The following RIC8B variants were observed in gnomAD, a reference collection of about 807,000 sequenced individuals.
The protein encoded by RIC8B is RIC8 guanine nucleotide exchange factor B, also known as chaperone Ric-8B.
In RIC8B, 16 loss-of-function variants were observed where a neutral mutation model predicts 57.5. The observed-to-expected ratio is 0.28, with a 90% CI of 0.19 to 0.42. The LOEUF (loss-of-function observed/expected upper bound fraction) is 0.42. Ranked by LOEUF, RIC8B falls within the 10% of genes least tolerant of loss-of-function variation. The pLI, the probability that RIC8B is intolerant of heterozygous loss-of-function variation, is 1.00. For missense variants in RIC8B, 481 were observed against 677.0 expected (o/e 0.71, Z 3.21); for synonymous variants, 216 against 250.8 (o/e 0.86, Z 1.31).
intron 2 of RIC8B, among the ~76,000 whole-genome samples, chr12:106,807,170 A>G (rs750362124): frequency 1.1e-4 from 16 of 152,134 alleles, no homozygotes; most frequent in Non-Finnish European, 1.8e-4. Flanking sequence ...TTCCAGTCCA[A>G]CCCATTTTGA....
At chr12:106,828,613 T>C (rs2046218581) in intron 4 of RIC8B, among the ~76,000 whole-genome samples, 1 of 152,180 alleles carries the variant, frequency 6.6e-6, no homozygotes, top group South Asian at 2.1e-4. Flanking sequence ...AGAGTTGTGA[T>C]GGTGATTAAA....
At chr12:106,880,935 C>T (rs1382067311) in intron 9 of RIC8B, among the ~76,000 whole-genome samples, 1 of 152,138 alleles carries the variant, frequency 6.6e-6, no homozygotes. Context: ...TGAATGTGTA[C>T]CCAGAGATTT....
chr12:106,783,546 A>G (rs1397265717), intron 1 of RIC8B, among the ~76,000 whole-genome samples: 1 of 152,148 alleles, frequency 6.6e-6, no homozygotes, highest in Non-Finnish European at 1.5e-5. Flanking sequence ...CTACTTTTCC[A>G]TTCTCTTCTT....
chr12:106,886,176 G>T lies in RIC8B; in HGVS notation c.*161G>T, dbSNP rs995709708. ...CAGCATATTTAAGAGGTGACCCTGT[G>T]TTTTTTGTGATATTGAGGCATTCAT... On this transcript the variant is annotated 3_prime_UTR_variant, in exon 10 of 10. Transcript: ENST00000392837. 2 of 597,954 alleles carry T rather than the reference G, an allele frequency of 3.3e-6. No individual in the cohort carries two copies. Among genetic ancestry groups the T allele is most frequent in the South Asian group, 2.2e-5 (1 of 45,588 alleles). 37.0% of individuals were successfully genotyped at this position (597,954 alleles called of 1,614,324 possible).
chr12:106,833,004 G>GA (rs796650201), intron 4 of RIC8B, among the ~76,000 whole-genome samples: 3 of 150,504 alleles, frequency 2.0e-5, no homozygotes, highest in South Asian at 2.1e-4. Context: ...CTTTTGTGAG[G>GA]AAAAAAAAAT....
intron 7 of RIC8B, among the ~76,000 whole-genome samples, chr12:106,858,225 T>C (rs1949786156): frequency 6.6e-6 from 1 of 152,226 alleles, no homozygotes; most frequent in Non-Finnish European, 1.5e-5. Context: ...TCTTTAAGTA[T>C]ATTCATTTAA....
intron 9 of RIC8B, chr12:106,873,212 A>C: frequency 1.0e-6 from 1 of 983,804 alleles, no homozygotes; most frequent in Non-Finnish European, 1.2e-6. Flanking sequence ...CAGAGCAAAT[A>C]TGTCTTATGT....
chr12:106,822,368 T>C (rs1463999533), intron 3 of RIC8B: 1 of 152,150 alleles, frequency 6.6e-6, no homozygotes, highest in Non-Finnish European at 1.5e-5. Flanking sequence ...CTGGTAAAGA[T>C]TGACATATGG....
intron 9 of RIC8B, chr12:106,871,489 A>T (rs894190145): frequency 7.0e-6 from 1 of 143,474 alleles, no homozygotes; most frequent in South Asian, 2.2e-4. Flanking sequence ...AAAAAAAAAA[A>T]AAAAAAAAAC....
intron 3 of RIC8B, among the ~76,000 whole-genome samples, chr12:106,817,567 C>T (rs1023840657): frequency 6.6e-5 from 10 of 152,072 alleles, no homozygotes; most frequent in African/African-American, 2.2e-4. Context: ...CGCCTGTAAT[C>T]CCAGCACTTT....
At chr12:106,852,970 C>A (rs2136474177) in intron 7 of RIC8B, among the ~76,000 whole-genome samples, 1 of 152,216 alleles carries the variant, frequency 6.6e-6, no homozygotes, top group Admixed American at 6.5e-5. Flanking sequence ...ATGCATAAAT[C>A]CAAAATCACA....
intron 4 of RIC8B, among the ~76,000 whole-genome samples, chr12:106,835,168 C>T (rs1413445202): frequency 3.3e-5 from 5 of 151,924 alleles, no homozygotes; most frequent in African/African-American, 7.3e-5. Flanking sequence ...GCATCTATTC[C>T]TCTGCCAGCA....
chr12:106,814,933 A>G lies in RIC8B; in HGVS notation c.370A>G (p.Ile124Val), dbSNP rs1407232072. ...GGAGTCATTAAAATGTCTGTGTAAT[A>G]TAGTGTTCAACAGTCAGATGGCACA... is the stretch of plus-strand genomic sequence containing the variant. ...IVESLKCLCN[I>V]VFNSQMAQQL... Residue 124 changes from isoleucine to valine, a missense_variant, in exon 3 of 10, where the codon ATA becomes GTA. Physicochemically the swap from Ile to Val is conservative, Grantham distance 29. Around this residue, in one of 3 missense-constraint regions of RIC8B, gnomAD observed 421 missense variants for 560.9 expected, o/e 0.75. Transcript: ENST00000392837. 6.2e-7 allele frequency: 1 copy of G among 1,614,212 alleles called. No individual in the cohort carries two copies. Among genetic ancestry groups the G allele is most frequent in the Non-Finnish European group, 8.5e-7 (1 of 1,180,024 alleles).
intron 4 of RIC8B, among the ~76,000 whole-genome samples, chr12:106,838,328 A>C (rs1294102646): frequency 6.6e-6 from 1 of 152,172 alleles, no homozygotes; most frequent in Non-Finnish European, 1.5e-5. Context: ...AAATCAACTC[A>C]AAATAGATTA....
intron 6 of RIC8B, among the ~76,000 whole-genome samples, chr12:106,845,644 A>T (rs1158938071): frequency 2.0e-5 from 3 of 152,148 alleles, no homozygotes; most frequent in Admixed American, 6.5e-5. Context: ...ACCCAAACAC[A>T]TCTTTCATCT....
intron 1 of RIC8B, 89 bp from the exon 2 acceptor site, chr12:106,783,905 ACAG>A: frequency 8.7e-7 from 1 of 1,145,490 alleles, no homozygotes; most frequent in Admixed American, 2.0e-5. Flanking sequence ...AACATTTTTT[ACAG>A]GGACATTATT....
chr12:106,777,675 A>C (rs539964658), intron 1 of RIC8B, among the ~76,000 whole-genome samples: 1 of 152,148 alleles, frequency 6.6e-6, no homozygotes, highest in Admixed American at 6.5e-5. Context: ...TCAAATCCCA[A>C]CTCTGCCATT....
At chr12:106,788,030 A>G (rs533870478) in intron 2 of RIC8B, among the ~76,000 whole-genome samples, 1 of 152,306 alleles carries the variant, frequency 6.6e-6, no homozygotes, top group African/African-American at 2.4e-5. Context: ...ATCAAAAGCA[A>G]GCTAGTTACT....
intron 1 of RIC8B, among the ~76,000 whole-genome samples, chr12:106,782,042 C>T (rs1397027704): frequency 1.9e-4 from 29 of 151,834 alleles, no homozygotes; most frequent in African/African-American, 7.0e-4. Flanking sequence ...TCTTTATTAT[C>T]TATTTAAAAA....
Sources: gnomAD v4.1 joint callset for allele counts (sites outside exome capture counted in the v4.1 genomes callset) on GRCh38, gnomAD v4.1.1 for gene constraint, gnomAD v4.1.1 regional missense constraint, MANE v1.5 for transcripts, NCBI Gene and HGNC (gene_info 2026-07-23, HGNC 2026-07-21) for gene names.